PCDHGA4: variants seen among roughly 807,000 people sequenced by gnomAD.
PCDHGA4 encodes protocadherin gamma subfamily A, 4.
Under a neutral mutation model 54.6 loss-of-function variants are expected in PCDHGA4, and 38 were observed. The observed-to-expected ratio is 0.70, with a 90% confidence interval of 0.54 to 0.91. The LOEUF is 0.91. Ranked by LOEUF, PCDHGA4 falls within the 40% of genes least tolerant of loss-of-function variation. The pLI, the probability that PCDHGA4 is intolerant of heterozygous loss-of-function variation, is 0.00. For missense variants in PCDHGA4, 1,298 were observed against 1,220.9 expected, an observed-to-expected ratio of 1.06 and a Z score of -0.94; for synonymous variants, 511 against 512.9, an observed-to-expected ratio of 1.00 and a Z score of 0.05.
chr5:141,401,215 G>A (rs371927686), intron 1 of PCDHGA4, among the ~76,000 whole-genome samples: 9 of 152,158 alleles, frequency 5.9e-5, no homozygotes, highest in African/African-American at 9.6e-5. Context: ...GGTGGCGGGC[G>A]CCTGTAATCC....
chr5:141,472,852 G>A (rs1354948628), intron 1 of PCDHGA4, among the ~76,000 whole-genome samples: 1 of 151,160 alleles, frequency 6.6e-6, no homozygotes, highest in African/African-American at 2.4e-5. Flanking sequence ...TGGGCATGGT[G>A]GCACATGCCT....
At chr5:141,510,849 G>C (rs959784028) in intron 3 of PCDHGA4, 98 bp from the exon 4 acceptor site, 10 of 1,596,568 alleles carry the variant, frequency 6.3e-6, no homozygotes, top group Middle Eastern at 1.7e-4. Flanking sequence ...CAAGGCCCAG[G>C]GTGCTGTATA....
intron 1 of PCDHGA4, chr5:141,428,221 G>T (rs1314522513): frequency 1.0e-5 from 12 of 1,177,166 alleles, no homozygotes; most frequent in East Asian, 4.9e-5. Context: ...CCTAGTCTTC[G>T]CAGACAGCCT....
chr5:141,409,639 G>A, intron 1 of PCDHGA4: 1 of 1,613,760 alleles, frequency 6.2e-7, no homozygotes, highest in Non-Finnish European at 8.5e-7. Flanking sequence ...CCTCTGACCC[G>A]GATTTGGGGC....
At chr5:141,453,492 G>A (rs1046043468) in intron 1 of PCDHGA4, among the ~76,000 whole-genome samples, 7 of 152,000 alleles carry the variant, frequency 4.6e-5, no homozygotes, top group African/African-American at 7.3e-5. Context: ...AAAAAAAGGT[G>A]TACTCAGAAA....
chr5:141,399,263 A>G, intron 1 of PCDHGA4: 9 of 1,613,918 alleles, frequency 5.6e-6, no homozygotes, highest in Non-Finnish European at 7.6e-6. Context: ...GGGGAGGTTA[A>G]TTGTCAATTA....
intron 1 of PCDHGA4, chr5:141,393,205 C>A: frequency 6.2e-7 from 1 of 1,613,504 alleles, no homozygotes; most frequent in Non-Finnish European, 8.5e-7. Flanking sequence ...GATAATAACC[C>A]AAAATTCCAG....
chr5:141,407,732 A>G (rs1294403186), intron 1 of PCDHGA4, among the ~76,000 whole-genome samples: 3 of 152,242 alleles, frequency 2.0e-5, no homozygotes, highest in Non-Finnish European at 4.4e-5. Flanking sequence ...AAGGTTCACT[A>G]TATATACTCC....
intron 1 of PCDHGA4, chr5:141,422,953 G>A: frequency 6.2e-7 from 1 of 1,614,232 alleles, no homozygotes; most frequent in Non-Finnish European, 8.5e-7. Context: ...CTCCACTGGC[G>A]TGGAGCTGGC....
At position 141,355,885 on chromosome 5, in the gene PCDHGA4, C is replaced by T; in HGVS notation, c.778C>T (p.Leu260Phe). 6.2e-7 allele frequency: 1 copy of T among 1,613,374 alleles called. No individual in the cohort carries two copies. Among genetic ancestry groups the T allele is most frequent in the Non-Finnish European group, 8.5e-7 (1 of 1,179,700 alleles). Residue 260 changes from leucine to phenylalanine, a missense_variant, in exon 1 of 4, where the codon CTC becomes TTC. Coordinates refer to ENST00000571252, the MANE Select transcript of PCDHGA4 (RefSeq NM_018917.4). ...DPVRSGTARI[L>F]IILVDTNDNA... is the part of the protein sequence containing the mutation. ...GGTTCGCTCTGGCACTGCCAGGATT[C>T]TCATAATACTTGTGGATACCAACGA...
intron 1 of PCDHGA4, chr5:141,408,214 C>G (rs1225368283): frequency 1.3e-6 from 2 of 1,555,192 alleles, no homozygotes; most frequent in Admixed American, 2.0e-5. Context: ...TGGGAGGGAG[C>G]TGCGCGCAGA....
chr5:141,426,756 G>A, intron 1 of PCDHGA4: 1 of 456,302 alleles, frequency 2.2e-6, no homozygotes. Context: ...ATCTGCTATA[G>A]ATGCAGATGT....
Position 141,376,152 on chromosome 5 carries a change from C to G in PCDHGA4, c.2514+18531C>G, listed in dbSNP as rs376990625. 10 of 1,614,026 alleles carry G rather than the reference C, an allele frequency of 6.2e-6. No individual in the cohort carries two copies. In the African/African-American group the frequency reaches 1.3e-4, roughly 22 times the overall value. On this transcript the variant is annotated intron_variant, in intron 1 of 3. Transcript: ENST00000571252. ...GCCAAACCCAACGATTCGGACCTCACTCTGTACCTGGTGGTGGCGGTGGCC... is the reference window on the plus strand; with the variant it reads ...GCCAAACCCAACGATTCGGACCTCAGTCTGTACCTGGTGGTGGCGGTGGCC...
At chr5:141,426,655 A>C (rs2096950037) in intron 1 of PCDHGA4, 1 of 424,748 alleles carries the variant, frequency 2.4e-6, no homozygotes, top group Non-Finnish European at 4.8e-6. Flanking sequence ...ATGATAGAAG[A>C]TATAAATGAT....
At chr5:141,376,354 C>G in intron 1 of PCDHGA4, 1 of 1,614,208 alleles carries the variant, frequency 6.2e-7, no homozygotes, top group South Asian at 1.1e-5. Context: ...CCCACGAGGT[C>G]TCACTCACTG....
intron 1 of PCDHGA4, chr5:141,365,528 A>G: frequency 1.2e-6 from 2 of 1,613,854 alleles, no homozygotes; most frequent in Non-Finnish European, 1.7e-6. Flanking sequence ...GTCAGTTGAT[A>G]ATTACTATCA....
At chr5:141,405,029 C>A (rs565871444) in intron 1 of PCDHGA4, 1 of 1,613,976 alleles carries the variant, frequency 6.2e-7, no homozygotes, top group South Asian at 1.1e-5. Context: ...TACCCTCTAC[C>A]TCGTTGTGGC....
rs192677983 is a variant in PCDHGA4 at position 141,457,339 on chromosome 5, A to G, written c.2515-37468A>G. On this transcript the variant is annotated intron_variant, in intron 1 of 3. Transcript: ENST00000571252. The stretch of plus-strand genomic sequence containing the variant: ...CCTCCGGGTTACAGGTACCTTACTT[A>G]CTTTCATTACCTGGCACAATTTGCA... Among the ~76,000 whole-genome samples the G allele has an allele frequency of 3.1e-4, 47 of 152,268 alleles. No individual in the cohort carries two copies. The South Asian group carries it at 3.3e-3, about 11-fold the overall frequency.
chr5:141,367,937 T>G (rs1345542732), intron 1 of PCDHGA4, among the ~76,000 whole-genome samples: 1 of 152,236 alleles, frequency 6.6e-6, no homozygotes, highest in African/African-American at 2.4e-5. Flanking sequence ...TAAAGATGGT[T>G]CAAAATTTTA....
Sources: allele counts gnomAD v4.1 joint callset (sites outside exome capture counted in the v4.1 genomes callset), GRCh38; gene constraint gnomAD v4.1.1; transcripts MANE v1.5; gene names NCBI Gene and HGNC (gene_info 2026-07-23, HGNC 2026-07-21).